C1orf35: variants seen among roughly 807,000 people sequenced by gnomAD.
C1orf35 encodes the protein multiple myeloma tumor-associated protein 2.
Under a neutral mutation model 30.9 loss-of-function variants are expected in C1orf35, and 36 were observed. The observed-to-expected ratio is 1.16, with a 90% CI of 0.89 to 1.54. The LOEUF (loss-of-function observed/expected upper bound fraction) is 1.54. C1orf35 is among the 40% of genes most tolerant of loss of function. The pLI is 0.00. For synonymous variants in C1orf35, 179 were observed against 148.2 expected (o/e 1.21, Z -1.51); for missense variants, 396 against 358.7 (o/e 1.10, Z -0.84).
In C1orf35 at chr1:228,102,218, G is replaced by A. The variant is rs1039400723; in HGVS notation, c.448-53C>T. 7.1e-6 allele frequency: 11 copies of A among 1,558,282 alleles called. No individual in the cohort carries two copies. The East Asian group carries it at 2.1e-4, about 30-fold the overall frequency. On this transcript the variant is annotated intron_variant, in intron 5 of 7. Transcript: ENST00000272139. ...AGTCTGCGGGCCGGCCCCACACCAC[G>A]CCCCGCAGCGCCCCGGGGAGCTCCG...
Position 228,101,787 on chromosome 1 carries a change from A to C in C1orf35, c.533+293T>G. On this transcript the variant is annotated intron_variant, in intron 6 of 7. Coordinates refer to ENST00000272139, the MANE Select transcript of C1orf35 (RefSeq NM_024319.4). The stretch of plus-strand genomic sequence containing the variant: ...CAGGCCCAGGCTCACCATCCAGGAG[A>C]AGCCCTGGAGGTGCCACCCACGGCA... 6 of 1,408,378 alleles carry C rather than the reference A, an allele frequency of 4.3e-6. No individual in the cohort carries two copies. The South Asian group carries it at 4.7e-5, about 11-fold the overall frequency. 87.2% of individuals were successfully genotyped at this position (1,408,378 alleles called of 1,614,324 possible).
At position 228,102,692 on chromosome 1, in the gene C1orf35, CGA is replaced by C; in HGVS notation, c.246-6_246-5del. On this transcript the variant is annotated splice_polypyrimidine_tract_variant and splice_region_variant and intron_variant, in intron 2 of 7. Coordinates refer to ENST00000272139, the MANE Select transcript of C1orf35 (RefSeq NM_024319.4). ...CTTCTTCACGTTCTTGTAGCCACTG[CGA>C]GAGGGCCGGGGCAGGCGTCAGGACG... is the stretch of plus-strand genomic sequence containing the variant. 1 of 1,605,950 alleles carries C rather than the reference CGA, an allele frequency of 6.2e-7. No individual in the cohort carries two copies. The highest frequency in any genetic ancestry group is 1.1e-5 in the South Asian group (1 of 90,524).
intron 6 of C1orf35, 71 bp downstream of exon 6, chr1:228,102,009 G>A: frequency 1.4e-6 from 2 of 1,441,856 alleles, no homozygotes; most frequent in South Asian, 2.8e-5. Context: ...ACCTGCCCGA[G>A]TGGGAGCCGC....
rs1387609117 is a variant in C1orf35, at chr1:228,103,209, C to G, written c.19G>C (p.Gly7Arg). MFGSSRGGVRGGQDQFN... is the reference protein window; with the variant it reads MFGSSRRGVRGGQDQFN... ...TGGTCCTGCCCGCCGCGCACGCCTC[C>G]ACGACTGGAGCCGAACATGGCGCCG... Residue 7 changes from glycine to arginine, a missense_variant, in exon 1 of 8, where the codon GGA becomes CGA. Gly to Arg is a moderately radical substitution (Grantham distance 125, BLOSUM62 -2). Transcript: ENST00000272139. 6.2e-7 allele frequency: 1 copy of G among 1,610,928 alleles called. No individual in the cohort carries two copies. The highest frequency in any genetic ancestry group is 8.5e-7 in the Non-Finnish European group (1 of 1,179,246).
Position 228,102,523 on chromosome 1 carries a change from G to T in C1orf35, c.329C>A (p.Pro110His). ...AEVCKREGGD[P>H]EEKGVDRLLG... is the part of the protein sequence containing the mutation. The stretch of plus-strand genomic sequence containing the variant: ...CAGCCGGTCCACGCCCTTCTCCTCG[G>T]GGTCGCCTCCTTCCCGCTTGCAGAC... The change falls in exon 4 of 8, where the codon CCC becomes CAC. Residue 110 changes from proline to histidine, a missense_variant. Coordinates refer to ENST00000272139, the MANE Select transcript of C1orf35 (RefSeq NM_024319.4). 6.4e-7 allele frequency: 1 copy of T among 1,557,798 alleles called. No homozygotes were observed.
chr1:228,102,210 C>T (rs2032987334), intron 5 of C1orf35, 45 bp from the exon 6 acceptor site: 2 of 1,565,902 alleles, frequency 1.3e-6, no homozygotes, highest in Non-Finnish European at 8.6e-7. Context: ...GGGCCGGCCC[C>T]ACACCACGCC....
intron 1 of C1orf35, 29 bp from the exon 2 acceptor site, chr1:228,103,078 G>T: frequency 6.2e-7 from 1 of 1,605,282 alleles, no homozygotes; most frequent in South Asian, 1.1e-5. Flanking sequence ...TGAGTCCAGC[G>T]CCCGCCCGGG....
chr1:228,101,225 G>A lies in C1orf35; in HGVS notation c.698C>T (p.Ser233Phe), dbSNP rs773327932. 3.1e-6 allele frequency: 5 copies of A among 1,614,140 alleles called. No individual in the cohort carries two copies. Among genetic ancestry groups the A allele is most frequent in the Non-Finnish European group, 4.2e-6 (5 of 1,180,010 alleles). Residue 233 changes from serine to phenylalanine, a missense_variant, in exon 8 of 8, where the codon TCC (serine) becomes TTC (phenylalanine). By Grantham distance (155) the Ser-to-Phe change is radical. Transcript: ENST00000272139. ...RPRHHHHDSD[S>F]NSPCCKRRKR... is the part of the protein sequence containing the mutation. Reference sequence around the variant, plus strand: ...CCTCCTCTTACAGCAGGGGGAGTTGGAGTCGGAGTCATGGTGGTGGTGCCT... The same window carrying A: ...CCTCCTCTTACAGCAGGGGGAGTTGAAGTCGGAGTCATGGTGGTGGTGCCT...
chr1:228,102,601 A>C lies in C1orf35; in HGVS notation c.292-41T>G, dbSNP rs780513010. ...CACAGGGAGCGCTCGAGTCGGCCCC[A>C]CACCCACGGCCCTCCACGCGCCCCC... On this transcript the variant is annotated intron_variant, in intron 3 of 7. Transcript: ENST00000272139. 4 of 1,580,654 alleles carry C rather than the reference A, an allele frequency of 2.5e-6. No homozygotes were observed. In the East Asian group the frequency reaches 7.0e-5, roughly 28 times the overall value.
Position 228,102,686 on chromosome 1 carries a change from C to A in C1orf35, c.248G>T (p.Gly83Val). 6.2e-7 allele frequency: 1 copy of A among 1,607,426 alleles called. No individual in the cohort carries two copies. The highest frequency in any genetic ancestry group is 8.5e-7 in the Non-Finnish European group (1 of 1,177,412). Residue 83 changes from glycine (G) to valine (V), a missense_variant and splice_region_variant, in exon 3 of 8, where the codon GGC becomes GTC. Gly to Val is a moderately radical substitution (Grantham distance 109). Coordinates refer to ENST00000272139, the MANE Select transcript of C1orf35 (RefSeq NM_024319.4). ...GGGCTGCTTCTTCACGTTCTTGTAG[C>A]CACTGCGAGAGGGCCGGGGCAGGCG... ...AEREALLAAL[G>V]YKNVKKQPTG...
intron 5 of C1orf35, 53 bp downstream of exon 5, chr1:228,102,256 GC>G: frequency 1.3e-6 from 2 of 1,584,610 alleles, no homozygotes; most frequent in Non-Finnish European, 1.7e-6. Flanking sequence ...CAGTGCCCCC[GC>G]CCCGCCCCAC....
Position 228,100,814 on chromosome 1 carries a change from G to C in C1orf35, c.*317C>G, listed in dbSNP as rs887933051. On this transcript the variant is annotated 3_prime_UTR_variant, in exon 8 of 8. Transcript: ENST00000272139. ...CACCATACTTGGCCACAGTTAGACC[G>C]CTCATAGGCCCATGGCTGCTGCAAC... The C allele has an allele frequency of 5.2e-6, 2 of 388,220 alleles. No homozygotes were observed. Among genetic ancestry groups the C allele is most frequent in the African/African-American group, 4.0e-5 (2 of 49,732 alleles). The allele number at this position is 388,220 out of a possible 1,614,324, so 24.0% of individuals were successfully genotyped here.
intron 6 of C1orf35, 129 bp downstream of exon 6, chr1:228,101,951 A>G: frequency 7.0e-7 from 1 of 1,426,646 alleles, no homozygotes; most frequent in Non-Finnish European, 9.1e-7. Context: ...GACAGGAAGT[A>G]AAGTAGGGCA....
At position 228,103,320 on chromosome 1, in the gene C1orf35, G is replaced by T. The variant is rs1339256408; in HGVS notation, c.-93C>A. 4.9e-6 allele frequency: 7 copies of T among 1,435,450 alleles called. No individual in the cohort carries two copies. The highest frequency in any genetic ancestry group is 5.6e-6 in the Non-Finnish European group (6 of 1,070,016). 88.9% of individuals were successfully genotyped at this position (1,435,450 alleles called of 1,614,324 possible). Reference sequence around the variant, plus strand: ...ACCCACTACCGTCGGACCCAGGCCCGACCCCGCCTCCGCGTCGCGCGCCGT... The same window carrying T: ...ACCCACTACCGTCGGACCCAGGCCCTACCCCGCCTCCGCGTCGCGCGCCGT... On this transcript the variant is annotated 5_prime_UTR_variant, in exon 1 of 8. Coordinates refer to ENST00000272139, the MANE Select transcript of C1orf35 (RefSeq NM_024319.4).
chr1:228,101,385 GCT>G lies in C1orf35; in HGVS notation c.620_621del (p.Glu207AlafsTer6), dbSNP rs1255769797. 11 of 1,613,938 alleles carry G rather than the reference GCT, an allele frequency of 6.8e-6. No homozygotes were observed. The highest frequency in any genetic ancestry group is 7.6e-6 in the Non-Finnish European group (9 of 1,180,046). On this transcript the variant is annotated frameshift_variant, in exon 7 of 8. Coordinates refer to ENST00000272139, the MANE Select transcript of C1orf35 (RefSeq NM_024319.4). LOFTEE classifies it low-confidence loss of function (END_TRUNC). ...HKKEKKKKDKEHRRPAEATSS... is the reference protein window; with the variant it reads ...HKKEKKKKDKXHRRPAEATSS... ...GAGGTGGCCTCAGCTGGCCGCCTGT[GCT>G]CTTTGTCTTTCTTCTTCTTCTCTTT... is the stretch of plus-strand genomic sequence containing the variant.
rs1243767884 is a variant in C1orf35 at position 228,103,245 on chromosome 1, T to C, written c.-18A>G. 1.1e-5 allele frequency: 17 copies of C among 1,608,410 alleles called. No individual in the cohort carries two copies. Among genetic ancestry groups the C allele is most frequent in the African/African-American group, 5.4e-5 (4 of 74,420 alleles). The stretch of plus-strand genomic sequence containing the variant: ...CCGAACATGGCGCCGGGAAGGCAGT[T>C]GCCTGGGGCCTGCGGCTTGCAACCT... On this transcript the variant is annotated 5_prime_UTR_variant, in exon 1 of 8. Transcript: ENST00000272139.
At chr1:228,101,753 T>C (rs1169402943) in intron 6 of C1orf35, 37 of 1,408,404 alleles carry the variant, frequency 2.6e-5, no homozygotes, top group Non-Finnish European at 3.4e-5. Context: ...ACCAGGCCAC[T>C]CTTAGGGTCA....
Position 228,103,003 on chromosome 1 carries a change from G to A in C1orf35, c.141C>T (p.Asp47=). The change falls in exon 2 of 8, where the codon GAC becomes GAT. Residue 47 remains aspartate, a synonymous_variant. Coordinates refer to ENST00000272139, the MANE Select transcript of C1orf35 (RefSeq NM_024319.4). The part of the protein sequence containing the change: ...APVGRWQKGR[D]LTWYAKGRAP... ...CCCGGCCCTTGGCGTACCAGGTGAG[G>A]TCGCGGCCCTTCTGCCAGCGGCCTA... The A allele has an allele frequency of 6.4e-7, 1 of 1,565,916 alleles. No homozygotes were observed. Among genetic ancestry groups the A allele is most frequent in the Non-Finnish European group, 8.6e-7 (1 of 1,159,918 alleles).
In C1orf35 at chr1:228,101,119, A is replaced by G. The variant is rs1176027153; in HGVS notation, c.*12T>C. 1 of 1,612,064 alleles carries G rather than the reference A, an allele frequency of 6.2e-7. No homozygotes were observed. Among genetic ancestry groups the G allele is most frequent in the Admixed American group, 1.7e-5 (1 of 60,034 alleles). On this transcript the variant is annotated 3_prime_UTR_variant, in exon 8 of 8. Transcript: ENST00000272139. ...TCAGGGTCCCACAACAGCAGTGAGC[A>G]GGGTCCAGCCATCAGGCCTCAGAGC...
Sources: gnomAD v4.1 joint callset for allele counts on GRCh38, gnomAD v4.1.1 for gene constraint, MANE v1.5 for transcripts, NCBI Gene and HGNC (gene_info 2026-07-23, HGNC 2026-07-21) for gene names.